The following ATP13A4 variants were observed in gnomAD, a reference collection of about 807,000 sequenced individuals.
ATP13A4 encodes probable cation-transporting ATPase 13A4.
A neutral mutation model predicts 142.5 loss-of-function variants in ATP13A4; 114 were observed. The observed-to-expected ratio is 0.80, with a 90% confidence interval of 0.69 to 0.93. The LOEUF is 0.93. Among genes scored for constraint, ATP13A4 ranks in the 40% least tolerant of loss-of-function variants. The probability of loss-of-function intolerance (pLI) is 0.00; values close to 1 mark genes in which losing one functional copy is unlikely to be tolerated. For missense variants in ATP13A4, 1,392 were observed against 1,454.0 expected, an observed-to-expected ratio of 0.96 and a Z score of 0.69; for synonymous variants, 488 against 514.8, an observed-to-expected ratio of 0.95 and a Z score of 0.70.
At chr3:193,457,497 G>C in intron 14 of ATP13A4, 32 bp from the exon 15 acceptor site, 1 of 1,591,170 alleles carries the variant, frequency 6.3e-7, no homozygotes, top group Admixed American at 1.7e-5. Flanking sequence ...TCATTGCAGA[G>C]ATTTATTTAT....
intron 8 of ATP13A4, among the ~76,000 whole-genome samples, chr3:193,476,178 A>G (rs1180634324): frequency 6.6e-6 from 1 of 152,106 alleles, no homozygotes; most frequent in Admixed American, 6.5e-5. Flanking sequence ...AAAAAGACCT[A>G]GAAACAATGA....
chr3:193,538,898 T>C (rs981554663), intron 1 of ATP13A4, among the ~76,000 whole-genome samples: 7 of 148,304 alleles, frequency 4.7e-5, no homozygotes, highest in African/African-American at 9.9e-5. Context: ...TTTTCTTTTT[T>C]TTTTTTTTTT....
In ATP13A4 at chr3:193,414,596, A is replaced by G. The variant is rs1276630721; in HGVS notation, c.2997T>C (p.Tyr999=). The G allele has an allele frequency of 3.1e-6, 5 of 1,614,054 alleles. No homozygotes were observed. The highest frequency in any genetic ancestry group is 4.2e-6 in the Non-Finnish European group (5 of 1,179,958). The change falls in exon 26 of 30, where the codon TAT becomes TAC. Residue 999 remains tyrosine (Y), a synonymous_variant. Transcript: ENST00000342695. The stretch of plus-strand genomic sequence containing the variant: ...ACTCATACCTGTGTATCTCCACGGA[A>G]TACCAAGGCTGCCTCTGAACCAGGA... ...GFILVQRQPW[Y]SVEIHSACTV... is the part of the protein sequence containing the mutation.
intron 1 of ATP13A4, among the ~76,000 whole-genome samples, chr3:193,534,240 T>C (rs1722478093): frequency 6.6e-6 from 1 of 152,204 alleles, no homozygotes; most frequent in African/African-American, 2.4e-5. Context: ...CTGATTGAAG[T>C]TATGTCAACA....
At chr3:193,447,764 G>A (rs963268360) in intron 18 of ATP13A4, among the ~76,000 whole-genome samples, 10 of 152,124 alleles carry the variant, frequency 6.6e-5, no homozygotes, top group African/African-American at 2.2e-4. Flanking sequence ...TTCTAGAATC[G>A]TGGATTTTAT....
At chr3:193,539,473 G>A (rs961521331) in intron 1 of ATP13A4, among the ~76,000 whole-genome samples, 6 of 152,206 alleles carry the variant, frequency 3.9e-5, no homozygotes, top group South Asian at 2.1e-4. Flanking sequence ...TTTGAGACAG[G>A]ATACATGCTC....
At chr3:193,540,180 GC>G (rs1164987682) in intron 1 of ATP13A4, among the ~76,000 whole-genome samples, 1 of 151,930 alleles carries the variant, frequency 6.6e-6, no homozygotes, top group African/African-American at 2.4e-5. Flanking sequence ...GAAATATGAA[GC>G]CCCGCAGTTT....
chr3:193,490,142 CAA>C (rs906250972), intron 6 of ATP13A4, among the ~76,000 whole-genome samples: 32 of 152,236 alleles, frequency 2.1e-4, no homozygotes, highest in African/African-American at 7.5e-4. Flanking sequence ...GAAATACGTC[CAA>C]AGTCATGCGA....
At chr3:193,557,529 G>T (rs774304881), upstream of ATP13A4, among the ~76,000 whole-genome samples, 5 of 152,204 alleles carry the variant, frequency 3.3e-5, no homozygotes, top group Non-Finnish European at 5.9e-5. Context: ...CCTGACAAAA[G>T]CCTCTGTGGT....
chr3:193,443,284 A>G (rs552114433), intron 18 of ATP13A4, among the ~76,000 whole-genome samples: 2 of 152,328 alleles, frequency 1.3e-5, no homozygotes, highest in East Asian at 3.9e-4. Flanking sequence ...GTAAGTCCCA[A>G]GTTCAGCCTA....
chr3:193,511,136 C>G (rs922851022), intron 2 of ATP13A4, among the ~76,000 whole-genome samples: 1 of 152,066 alleles, frequency 6.6e-6, no homozygotes, highest in Non-Finnish European at 1.5e-5. Context: ...AAATGACACA[C>G]AAGAGCAGGC....
In ATP13A4 at chr3:193,401,692, T is replaced by C. The variant is rs566123991; in HGVS notation, c.*960A>G. ...TACAAAATGAAAATATGGGGACCCC[T>C]GTTCAAAAATTAAGAATTTTAAGAT... On this transcript the variant is annotated 3_prime_UTR_variant, in exon 30 of 30. Transcript: ENST00000342695. Among the ~76,000 whole-genome samples the C allele has an allele frequency of 1.3e-5, 2 of 152,184 alleles. No individual in the cohort carries two copies. Among genetic ancestry groups the C allele is most frequent in the Admixed American group, 6.5e-5 (1 of 15,282 alleles).
intron 3 of ATP13A4, 145 bp from the exon 4 acceptor site, chr3:193,493,305 C>T (rs1720045919): frequency 1.4e-6 from 1 of 724,724 alleles, no homozygotes; most frequent in African/African-American, 1.8e-5. Flanking sequence ...CTAATTTACC[C>T]TTTGCTTTTC....
chr3:193,514,915 T>C (rs769102397), intron 1 of ATP13A4, 44 bp from the exon 2 acceptor site: 1 of 1,591,110 alleles, frequency 6.3e-7, no homozygotes, highest in Non-Finnish European at 8.6e-7. Flanking sequence ...TTAAGCACAA[T>C]AAACAATAAA....
intron 1 of ATP13A4, among the ~76,000 whole-genome samples, chr3:193,536,317 G>A (rs1206604481): frequency 6.6e-6 from 1 of 152,010 alleles, no homozygotes; most frequent in Non-Finnish European, 1.5e-5. Context: ...ATTCAGGGAT[G>A]CAAAACGACT....
At position 193,400,213 on chromosome 3, in the gene ATP13A4, A is replaced by C. The variant is rs1714220021; in HGVS notation, c.*2439T>G. On this transcript the variant is annotated 3_prime_UTR_variant, in exon 30 of 30. Coordinates refer to ENST00000342695, the MANE Select transcript of ATP13A4 (RefSeq NM_032279.4). The stretch of plus-strand genomic sequence containing the variant: ...CAGGCTGGGCACTCCCTGTTCCTTC[A>C]ATTACTGCTTCTAAGATGTAGTTAA... Among the ~76,000 whole-genome samples the C allele has an allele frequency of 6.6e-6, 1 of 152,194 alleles. No individual in the cohort carries two copies. The highest frequency in any genetic ancestry group is 2.1e-4 in the South Asian group (1 of 4,834).
At chr3:193,487,545 G>T (rs1421986917) in intron 7 of ATP13A4, among the ~76,000 whole-genome samples, 3 of 152,110 alleles carry the variant, frequency 2.0e-5, no homozygotes, top group Non-Finnish European at 4.4e-5. Context: ...GAACTGCTGG[G>T]TCTAAGCTAT....
chr3:193,534,140 C>G (rs1186575791), intron 1 of ATP13A4, among the ~76,000 whole-genome samples: 3 of 152,198 alleles, frequency 2.0e-5, no homozygotes, highest in Non-Finnish European at 2.9e-5. Flanking sequence ...ATAAGGACCC[C>G]TTGCCATCTT....
intron 1 of ATP13A4, among the ~76,000 whole-genome samples, chr3:193,545,742 G>A (rs375337810): frequency 6.6e-5 from 10 of 152,148 alleles, no homozygotes; most frequent in South Asian, 2.1e-4. Context: ...GACCCTATAC[G>A]GTTCGGCACT....
Sources: allele counts gnomAD v4.1 joint callset (sites outside exome capture counted in the v4.1 genomes callset), GRCh38; gene constraint gnomAD v4.1.1; transcripts MANE v1.5; gene names NCBI Gene and HGNC (gene_info 2026-07-23, HGNC 2026-07-21).